Variants in DNTTIP1 observed in about 807,000 individuals in gnomAD.
The protein encoded by DNTTIP1 is deoxynucleotidyltransferase terminal interacting protein 1, also known as deoxynucleotidyltransferase terminal-interacting protein 1.
A neutral mutation model predicts 52.9 loss-of-function variants in DNTTIP1; 22 were observed. That is an observed-to-expected ratio of 0.42 (90% CI 0.30 to 0.59). The LOEUF (loss-of-function observed/expected upper bound fraction) is 0.59. Ranked by LOEUF, DNTTIP1 falls within the 20% of genes least tolerant of loss-of-function variation. The pLI, the probability that DNTTIP1 is intolerant of heterozygous loss-of-function variation, is 0.22. For missense variants in DNTTIP1, 286 were observed against 435.5 expected (o/e 0.66, Z 3.06); for synonymous variants, 136 against 155.1 (o/e 0.88, Z 0.92).
chr20:45,798,139 A>C (rs541571711), intron 4 of DNTTIP1, among the ~76,000 whole-genome samples: 87 of 152,330 alleles, frequency 5.7e-4, no homozygotes, highest in African/African-American at 2.1e-3. Context: ...ATACCATGGA[A>C]TACTATGCAG....
chr20:45,805,836 C>T (rs979759420), intron 10 of DNTTIP1, among the ~76,000 whole-genome samples: 1 of 152,306 alleles, frequency 6.6e-6, no homozygotes, highest in East Asian at 1.9e-4. Context: ...GTAATCCCAG[C>T]ACTTTGGGAG....
chr20:45,795,509 C>T (rs545508589), intron 4 of DNTTIP1, 66 bp downstream of exon 4: 36 of 1,022,976 alleles, frequency 3.5e-5, no homozygotes, highest in South Asian at 3.1e-4. Flanking sequence ...ATAAGAAATG[C>T]GATCTTAAGC....
In DNTTIP1 at chr20:45,809,263, T is replaced by C; in HGVS notation, c.795+78T>C. 8.0e-7 allele frequency: 1 copy of C among 1,257,512 alleles called. No individual in the cohort carries two copies. The highest frequency in any genetic ancestry group is 2.3e-5 in the East Asian group (1 of 42,996). 77.9% of individuals were successfully genotyped at this position (1,257,512 alleles called of 1,614,324 possible). A position where few individuals can be genotyped will look rare whatever the true frequency, so the allele number is the denominator to read the frequency against. On this transcript the variant is annotated intron_variant, in intron 11 of 12. Coordinates refer to ENST00000372622, the MANE Select transcript of DNTTIP1 (RefSeq NM_052951.3). This position sits in a 1 kb window ranked among gnomAD's most constrained non-coding sequence, Gnocchi z 4.2. The stretch of plus-strand genomic sequence containing the variant: ...AGGATTTTGGCTGTGGGTGACAGCC[T>C]ACCTCCAAATCTGACTTCCAAAGCC...
intron 12 of DNTTIP1, 54 bp from the exon 13 acceptor site, chr20:45,811,003 G>A: frequency 1.9e-6 from 3 of 1,613,728 alleles, no homozygotes; most frequent in Non-Finnish European, 2.5e-6. Context: ...CCTAGAATGA[G>A]GCAGGGCCTA....
chr20:45,809,308 G>T lies in DNTTIP1; in HGVS notation c.795+123G>T. 1.2e-6 allele frequency: 1 copy of T among 822,126 alleles called. No individual in the cohort carries two copies. The highest frequency in any genetic ancestry group is 2.0e-6 in the Non-Finnish European group (1 of 494,078). The allele number at this position is 822,126 out of a possible 1,614,324, so 50.9% of individuals were successfully genotyped here. ...AAAGCCTCACCAATGTGTGAGAAGA[G>T]AGACTTATAAGGCCTATTTCTTCAT... On this transcript the variant is annotated intron_variant, in intron 11 of 12. Coordinates refer to ENST00000372622, the MANE Select transcript of DNTTIP1 (RefSeq NM_052951.3). The surrounding 1 kb of genome is among the most constrained non-coding windows in gnomAD (Gnocchi z 4.2).
At chr20:45,798,281 A>G (rs916907833) in intron 4 of DNTTIP1, among the ~76,000 whole-genome samples, 5 of 146,064 alleles carry the variant, frequency 3.4e-5, no homozygotes, top group Admixed American at 6.8e-5. Context: ...GAATTGAACA[A>G]TGAGAACACA....
chr20:45,805,321 G>T lies in DNTTIP1; in HGVS notation c.678G>T (p.Gly226=). The T allele has an allele frequency of 6.2e-7, 1 of 1,614,128 alleles. No homozygotes were observed. Among genetic ancestry groups the T allele is most frequent in the Non-Finnish European group, 8.5e-7 (1 of 1,180,020 alleles). Residue 226 remains glycine (G), a synonymous_variant, in exon 10 of 13, where the codon GGG becomes GGT. Transcript: ENST00000372622. Reference sequence around the variant, plus strand: ...TACTTTTCAGAGCCCTGGGGATGGGGGGCACCAGAGGAAGAATCTACATCA... The same window carrying T: ...TACTTTTCAGAGCCCTGGGGATGGGTGGCACCAGAGGAAGAATCTACATCA... The part of the protein sequence containing the change: ...GSRANKALGM[G]GTRGRIYIKH...
intron 8 of DNTTIP1, 94 bp downstream of exon 8, chr20:45,803,472 G>A: frequency 1.4e-6 from 2 of 1,405,946 alleles, no homozygotes; most frequent in Non-Finnish European, 2.0e-6. Context: ...AGGGGGCGAA[G>A]GGTGCATGCA....
Position 45,792,025 on chromosome 20 carries a change from C to G in DNTTIP1, c.21C>G (p.Ala7=). ...GCGCCATGGGAGCCACTGGCGACGC[C>G]GAGCAGCCGCGGGGACCTAGCGGGG... MGATGD[A]EQPRGPSGAE... Residue 7 remains alanine (A), a synonymous_variant, in exon 1 of 13, where the codon GCC becomes GCG. Transcript: ENST00000372622. 1 of 1,270,956 alleles carries G rather than the reference C, an allele frequency of 7.9e-7. No individual in the cohort carries two copies. Among genetic ancestry groups the G allele is most frequent in the Non-Finnish European group, 9.9e-7 (1 of 1,007,420 alleles). 78.7% of individuals were successfully genotyped at this position (1,270,956 alleles called of 1,614,324 possible).
chr20:45,795,964 T>C (rs1341406996), intron 4 of DNTTIP1, among the ~76,000 whole-genome samples: 1 of 152,162 alleles, frequency 6.6e-6, no homozygotes, highest in Non-Finnish European at 1.5e-5. Flanking sequence ...TTTTTTTATG[T>C]CTCAGAAGAA....
chr20:45,807,933 C>G (rs1487354350), intron 10 of DNTTIP1, among the ~76,000 whole-genome samples: 1 of 152,076 alleles, frequency 6.6e-6, no homozygotes, highest in African/African-American at 2.4e-5. Flanking sequence ...ACCTGGGCGA[C>G]AGAGCAATAC....
rs74766806 is a variant in DNTTIP1 at position 45,791,964 on chromosome 20, C to G, written c.-41C>G. The G allele has an allele frequency of 8.3e-7, 1 of 1,199,620 alleles. No homozygotes were observed. The highest frequency in any genetic ancestry group is 1.0e-6 in the Non-Finnish European group (1 of 955,370). The allele number at this position is 1,199,620 out of a possible 1,614,324, so 74.3% of individuals were successfully genotyped here. ...TGACGTCACGGCGCCACTTTCCGGC[C>G]GGTGACAGAGTCCAGCGGAGTTGTG... On this transcript the variant is annotated 5_prime_UTR_variant, in exon 1 of 13. Transcript: ENST00000372622.
chr20:45,795,691 T>G (rs1981215960), intron 4 of DNTTIP1, among the ~76,000 whole-genome samples: 1 of 152,072 alleles, frequency 6.6e-6, no homozygotes, highest in Non-Finnish European at 1.5e-5. Flanking sequence ...CCTAGCTGCT[T>G]GGGAGCCATA....
chr20:45,795,086 C>T (rs902009551), intron 3 of DNTTIP1, among the ~76,000 whole-genome samples: 1 of 152,132 alleles, frequency 6.6e-6, no homozygotes, highest in Non-Finnish European at 1.5e-5. Flanking sequence ...GTGTGAGCCA[C>T]CGCGCCCGTC....
intron 4 of DNTTIP1, among the ~76,000 whole-genome samples, chr20:45,797,888 C>T (rs1369416700): frequency 6.7e-4 from 102 of 151,904 alleles, no homozygotes; most frequent in African/African-American, 2.4e-3. Flanking sequence ...TTGGTGGGAC[C>T]GTAAACTAGT....
At chr20:45,796,387 CAAA>C (rs11477536) in intron 4 of DNTTIP1, 566 of 368,916 alleles carry the variant, frequency 1.5e-3, no homozygotes, top group Non-Finnish European at 1.8e-3. Flanking sequence ...AAAAGCAAAG[CAAA>C]AAAAAAAAAA....
At chr20:45,801,603 A>C in intron 6 of DNTTIP1, 145 bp downstream of exon 6, 1 of 777,092 alleles carries the variant, frequency 1.3e-6, no homozygotes, top group African/African-American at 1.7e-5. Flanking sequence ...AGTCTGGGTA[A>C]CATAGTGAGA....
intron 3 of DNTTIP1, among the ~76,000 whole-genome samples, chr20:45,795,119 C>T (rs1000846401): frequency 6.6e-6 from 1 of 152,058 alleles, no homozygotes; most frequent in Middle Eastern, 3.2e-3. Context: ...ACTATTTACA[C>T]CTCAATCTGT....
chr20:45,805,464 G>C, intron 10 of DNTTIP1, 98 bp downstream of exon 10: 1 of 1,346,684 alleles, frequency 7.4e-7, no homozygotes, highest in Non-Finnish European at 1.0e-6. Flanking sequence ...TGATCTTGGA[G>C]TCAGGACATC....
Sources: gnomAD v4.1 joint callset for allele counts (sites outside exome capture counted in the v4.1 genomes callset) on GRCh38, gnomAD v4.1.1 for gene constraint, Gnocchi (gnomAD v3.1) non-coding constraint, MANE v1.5 for transcripts, NCBI Gene and HGNC (gene_info 2026-07-23, HGNC 2026-07-21) for gene names.